DOCK3: variants seen among roughly 807,000 people sequenced by gnomAD.
The protein encoded by DOCK3 is dedicator of cytokinesis protein 3.
In DOCK3, 60 loss-of-function variants were observed where a neutral mutation model predicts 265.6. The observed-to-expected ratio is 0.23, with a 90% confidence interval of 0.18 to 0.28. DOCK3 has a LOEUF of 0.28. Among genes scored for constraint, DOCK3 ranks in the 10% least tolerant of loss-of-function variants. DOCK3 has a pLI of 1.00. For synonymous variants in DOCK3, 881 were observed against 938.0 expected (o/e 0.94, Z 1.11); for missense variants, 1,981 against 2,594.3 (o/e 0.76, Z 5.14).
chr3:50,830,762 G>A (rs1217246615), intron 2 of DOCK3, among the ~76,000 whole-genome samples: 1 of 152,070 alleles, frequency 6.6e-6, no homozygotes, highest in Non-Finnish European at 1.5e-5. Context: ...TGACTGGCAA[G>A]GACATTTCAC....
intron 2 of DOCK3, among the ~76,000 whole-genome samples, chr3:50,801,623 G>A (rs2043073038): frequency 6.6e-6 from 1 of 152,166 alleles, no homozygotes; most frequent in South Asian, 2.1e-4. Context: ...CTAACATATA[G>A]TTAATCCTGG....
intron 49 of DOCK3, among the ~76,000 whole-genome samples, chr3:51,368,239 C>T (rs2087392728): frequency 6.6e-6 from 1 of 152,152 alleles, no homozygotes; most frequent in South Asian, 2.1e-4. Context: ...GGGTGCAGCC[C>T]ACGGAGCAGG....
intron 2 of DOCK3, among the ~76,000 whole-genome samples, chr3:50,782,065 G>A (rs1043165931): frequency 1.3e-5 from 2 of 152,082 alleles, no homozygotes; most frequent in African/African-American, 4.8e-5. Context: ...TTGCTATTGT[G>A]AATAGTGCTG....
At chr3:51,086,180 C>T (rs192887295) in intron 7 of DOCK3, among the ~76,000 whole-genome samples, 30 of 152,276 alleles carry the variant, frequency 2.0e-4, no homozygotes, top group Admixed American at 1.8e-3. Flanking sequence ...AGGGATGGGC[C>T]AAAATAAAGG....
At chr3:51,034,629 T>A (rs1327975411) in intron 5 of DOCK3, among the ~76,000 whole-genome samples, 1 of 152,128 alleles carries the variant, frequency 6.6e-6, no homozygotes, top group Non-Finnish European at 1.5e-5. Context: ...TCAATTATAT[T>A]TTAAAGAAAT....
intron 7 of DOCK3, among the ~76,000 whole-genome samples, chr3:51,076,168 A>T (rs990405017): frequency 2.0e-5 from 3 of 152,218 alleles, no homozygotes; most frequent in Non-Finnish European, 2.9e-5. Context: ...AAATTTGCCT[A>T]AGTAATATGC....
In DOCK3 at chr3:51,064,432, A is replaced by G. The variant is rs1399853207; in HGVS notation, c.316-16A>G. On this transcript the variant is annotated splice_polypyrimidine_tract_variant and intron_variant, in intron 5 of 52. Coordinates refer to ENST00000266037, the MANE Select transcript of DOCK3 (RefSeq NM_004947.5). ...TGTCTCTTGTATTTCACCCAACACCAAAAATGCCCTTTCAGAAACACAAAG... is the reference window on the plus strand; with the variant it reads ...TGTCTCTTGTATTTCACCCAACACCGAAAATGCCCTTTCAGAAACACAAAG... 1 of 1,612,836 alleles carries G rather than the reference A, an allele frequency of 6.2e-7. No individual in the cohort carries two copies. The highest frequency in any genetic ancestry group is 8.5e-7 in the Non-Finnish European group (1 of 1,179,120).
intron 9 of DOCK3, among the ~76,000 whole-genome samples, chr3:51,101,410 G>A (rs1033970522): frequency 1.8e-4 from 28 of 152,172 alleles, no homozygotes; most frequent in Non-Finnish European, 2.8e-4. Flanking sequence ...GTGAGCCACC[G>A]CGCCCGGCCT....
At chr3:51,184,257 GC>G (rs1215920820) in intron 12 of DOCK3, among the ~76,000 whole-genome samples, 9 of 150,592 alleles carry the variant, frequency 6.0e-5, no homozygotes, top group Non-Finnish European at 1.0e-4. Context: ...ATTGCAGTGA[GC>G]CAAGATCGTG....
chr3:50,827,873 G>C, intron 2 of DOCK3, among the ~76,000 whole-genome samples: 1 of 151,310 alleles, frequency 6.6e-6, no homozygotes, highest in East Asian at 1.9e-4. Context: ...TTTCATTTAG[G>C]CTCCTCTATT....
chr3:51,167,457 G>C (rs2086466241), intron 12 of DOCK3, among the ~76,000 whole-genome samples: 1 of 152,090 alleles, frequency 6.6e-6, no homozygotes, highest in South Asian at 2.1e-4. Flanking sequence ...CAAATTTCAG[G>C]ATTGTTCCTT....
intron 22 of DOCK3, among the ~76,000 whole-genome samples, chr3:51,249,237 C>G (rs1454236616): frequency 7.6e-5 from 9 of 117,854 alleles, no homozygotes; most frequent in African/African-American, 3.0e-4. Flanking sequence ...CCGCCCTGTC[C>G]GGGAGGTGAG....
chr3:50,955,014 G>A (rs990545180), intron 5 of DOCK3, among the ~76,000 whole-genome samples: 12 of 152,044 alleles, frequency 7.9e-5, no homozygotes, highest in Non-Finnish European at 1.0e-4. Context: ...GTGTAAGGAA[G>A]GGGTCCAGTT....
chr3:50,999,063 CTTATTGTGGAGTAGCAT>C (rs2078381820), intron 5 of DOCK3, among the ~76,000 whole-genome samples: 1 of 152,124 alleles, frequency 6.6e-6, no homozygotes, highest in East Asian at 1.9e-4. Context: ...AAAATTATAG[CTTATTGTGGAGTAGCAT>C]TTATTGCTAT....
chr3:50,766,169 A>T (rs1559611269), intron 1 of DOCK3, among the ~76,000 whole-genome samples: 1 of 152,110 alleles, frequency 6.6e-6, no homozygotes, highest in East Asian at 1.9e-4. Context: ...CATGTGCACA[A>T]CGTGTAGGTT....
At position 50,724,991 on chromosome 3, in the gene DOCK3, C is replaced by CA. The variant is rs34882214; in HGVS notation, c.37+49706dup. On this transcript the variant is annotated intron_variant, in intron 1 of 52. Transcript: ENST00000266037. Reference sequence around the variant, plus strand: ...CTGGGCAGCAGATGAGATTCTGTCTCAAAAAAAAAAAAAAATAATAATGAC... The same window carrying CA: ...CTGGGCAGCAGATGAGATTCTGTCTCAAAAAAAAAAAAAAAATAATAATGAC... Among the ~76,000 whole-genome samples the CA allele has an allele frequency of 3.7e-4, 52 of 139,828 alleles. 1 individual carries two copies. Among genetic ancestry groups the CA allele is most frequent in the Admixed American group, 1.5e-3 (21 of 13,982 alleles). The allele number at this position is 139,828 out of a possible 152,430, so 91.7% of individuals were successfully genotyped here.
chr3:51,117,596 G>A (rs1376133417), intron 9 of DOCK3, among the ~76,000 whole-genome samples: 3 of 151,776 alleles, frequency 2.0e-5, no homozygotes, highest in East Asian at 1.9e-4. Flanking sequence ...TCTGATCCTC[G>A]GGTTTTTTTG....
intron 38 of DOCK3, among the ~76,000 whole-genome samples, chr3:51,344,120 G>C (rs566519260): frequency 1.3e-5 from 2 of 152,328 alleles, no homozygotes; most frequent in East Asian, 3.9e-4. Context: ...ACTTATGTGG[G>C]AGAGGGCTTG....
intron 1 of DOCK3, among the ~76,000 whole-genome samples, chr3:50,732,213 A>G (rs528416447): frequency 9.4e-4 from 143 of 152,232 alleles, no homozygotes; most frequent in African/African-American, 3.3e-3. Flanking sequence ...CACTGAGAAC[A>G]CATGGACTCA....
Sources: gnomAD v4.1 joint callset for allele counts (sites outside exome capture counted in the v4.1 genomes callset) on GRCh38, gnomAD v4.1.1 for gene constraint, MANE v1.5 for transcripts, NCBI Gene and HGNC (gene_info 2026-07-23, HGNC 2026-07-21) for gene names.